SHROOM3: variants seen among roughly 807,000 people sequenced by gnomAD.
The protein encoded by SHROOM3 is shroom family member 3, also known as protein Shroom3.
Under a neutral mutation model 138.6 loss-of-function variants are expected in SHROOM3, and 47 were observed. That is an observed-to-expected ratio of 0.34 (90% CI 0.27 to 0.43). SHROOM3 has a LOEUF of 0.43. SHROOM3 is among the 20% of genes least tolerant of loss of function. The pLI is 1.00. For missense variants in SHROOM3, 2,491 were observed against 2,596.5 expected (o/e 0.96, Z 0.88); for synonymous variants, 1,062 against 1,063.3 (o/e 1.00, Z 0.02).
chr4:76,521,401 A>G (rs1029512020), intron 1 of SHROOM3, among the ~76,000 whole-genome samples: 6 of 152,220 alleles, frequency 3.9e-5, no homozygotes, highest in African/African-American at 1.4e-4. Flanking sequence ...AACTCTGGAA[A>G]CTGGTCTAAA....
chr4:76,760,348 G>C (rs1311500511), intron 9 of SHROOM3, among the ~76,000 whole-genome samples: 1 of 152,154 alleles, frequency 6.6e-6, no homozygotes, highest in Non-Finnish European at 1.5e-5. Flanking sequence ...TCTAAACTGG[G>C]CTGTGTCTGC....
intron 4 of SHROOM3, among the ~76,000 whole-genome samples, chr4:76,734,618 C>T (rs1720977641): frequency 6.6e-6 from 1 of 151,864 alleles, no homozygotes; most frequent in Admixed American, 6.6e-5. Flanking sequence ...TCAAGCGATC[C>T]TCCCGCCTCA....
At position 76,547,340 on chromosome 4, in the gene SHROOM3, C is replaced by T. The variant is rs554568074; in HGVS notation, c.169-8269C>T. Among the ~76,000 whole-genome samples the T allele has an allele frequency of 8.5e-5, 13 of 152,300 alleles. No homozygotes were observed. In the South Asian group the frequency reaches 2.7e-3, roughly 32 times the overall value. On this transcript the variant is annotated intron_variant, in intron 1 of 10. Transcript: ENST00000296043. ...TGTGCAACATGGAGCAAGTCATTGCCTTCTTCTGAGCCTTGGTATTCTCAT... is the reference window on the plus strand; with the variant it reads ...TGTGCAACATGGAGCAAGTCATTGCTTTCTTCTGAGCCTTGGTATTCTCAT...
intron 5 of SHROOM3, among the ~76,000 whole-genome samples, chr4:76,743,786 A>G (rs1388250686): frequency 6.6e-6 from 1 of 152,238 alleles, no homozygotes; most frequent in Non-Finnish European, 1.5e-5. Flanking sequence ...ATAAGCCTTC[A>G]GTAGCCTTTT....
chr4:76,628,627 G>GATT (rs1477694669), intron 2 of SHROOM3, among the ~76,000 whole-genome samples: 6 of 152,066 alleles, frequency 3.9e-5, no homozygotes, highest in African/African-American at 1.4e-4. Flanking sequence ...CCTTAGTTGA[G>GATT]ATTATATACA....
intron 2 of SHROOM3, among the ~76,000 whole-genome samples, chr4:76,622,984 T>C (rs568731670): frequency 6.6e-6 from 1 of 152,302 alleles, no homozygotes; most frequent in African/African-American, 2.4e-5. Flanking sequence ...TGGTGTTTGC[T>C]CTTAGGATGA....
chr4:76,689,738 G>A (rs1279709779), intron 2 of SHROOM3: 35 of 985,480 alleles, frequency 3.6e-5, no homozygotes, highest in Non-Finnish European at 4.1e-5. Context: ...GGAGAGGGAG[G>A]CGGGGGCCGG....
At chr4:76,610,547 G>A (rs535695498) in intron 2 of SHROOM3, among the ~76,000 whole-genome samples, 3 of 152,182 alleles carry the variant, frequency 2.0e-5, no homozygotes, top group East Asian at 3.9e-4. Context: ...CTCGTCTTCC[G>A]CTGTCCACTT....
chr4:76,668,806 A>G (rs7691621), intron 2 of SHROOM3, among the ~76,000 whole-genome samples: 48,532 of 152,018 alleles, frequency 0.32, 7,957 homozygotes, highest in East Asian at 0.43. Flanking sequence ...TGAGAAGGGA[A>G]GCTGCTTCGT....
chr4:76,630,105 A>C (rs182237938), intron 2 of SHROOM3, among the ~76,000 whole-genome samples: 3 of 152,294 alleles, frequency 2.0e-5, no homozygotes, highest in South Asian at 4.1e-4. Flanking sequence ...AACCAGCTAC[A>C]CTTGTTAGTT....
intron 2 of SHROOM3, among the ~76,000 whole-genome samples, chr4:76,580,446 C>CTTTT (rs869200924): frequency 3.7e-4 from 33 of 88,064 alleles, no homozygotes; most frequent in African/African-American, 6.9e-4. Context: ...TGGGCAAGTT[C>CTTTT]TTTTTTTTTT....
rs540562460 is a variant in SHROOM3 at position 76,533,684 on chromosome 4, T to C, written c.169-21925T>C. On this transcript the variant is annotated intron_variant, in intron 1 of 10. Coordinates refer to ENST00000296043, the MANE Select transcript of SHROOM3 (RefSeq NM_020859.4). The stretch of plus-strand genomic sequence containing the variant: ...AATGTTTCATATTTTAAAAACTAAG[T>C]AATAAGCATGTAAAACACTACCTTC... Among the ~76,000 whole-genome samples, 4 of 152,320 alleles carry C rather than the reference T, an allele frequency of 2.6e-5. No individual in the cohort carries two copies. The East Asian group carries it at 5.8e-4, about 22-fold the overall frequency.
chr4:76,489,702 C>A (rs1731808909), intron 1 of SHROOM3, among the ~76,000 whole-genome samples: 1 of 152,018 alleles, frequency 6.6e-6, no homozygotes, highest in Non-Finnish European at 1.5e-5. Context: ...ATGAGCACAG[C>A]CAAGAATGGT....
intron 2 of SHROOM3, among the ~76,000 whole-genome samples, chr4:76,638,464 G>T (rs906742138): frequency 6.6e-6 from 1 of 152,144 alleles, no homozygotes; most frequent in Non-Finnish European, 1.5e-5. Flanking sequence ...CAGGAGGATC[G>T]CTTGCGCCTA....
intron 3 of SHROOM3, among the ~76,000 whole-genome samples, chr4:76,717,443 C>T (rs1036376740): frequency 2.6e-5 from 4 of 152,106 alleles, no homozygotes; most frequent in Admixed American, 2.0e-4. Context: ...CTTCCTTTCC[C>T]TCTTTCTTTT....
intron 2 of SHROOM3, among the ~76,000 whole-genome samples, chr4:76,614,215 C>G (rs569418795): frequency 6.6e-6 from 1 of 152,142 alleles, no homozygotes; most frequent in South Asian, 2.1e-4. Flanking sequence ...CCACCATGCC[C>G]GGCTAATTTT....
intron 10 of SHROOM3, among the ~76,000 whole-genome samples, chr4:76,777,488 G>A (rs1191453344): frequency 6.6e-6 from 1 of 152,154 alleles, no homozygotes; most frequent in Admixed American, 6.5e-5. Flanking sequence ...AGATCTAGGA[G>A]CTTTTTGGAT....
intron 1 of SHROOM3, among the ~76,000 whole-genome samples, chr4:76,548,519 CT>C (rs1733275862): frequency 6.6e-6 from 1 of 152,218 alleles, no homozygotes; most frequent in Admixed American, 6.5e-5. Context: ...ATCCACCACT[CT>C]TCCTTTGTGC....
chr4:76,636,432 CCTTTTA>C (rs1360014852), intron 2 of SHROOM3, among the ~76,000 whole-genome samples: 9 of 152,146 alleles, frequency 5.9e-5, no homozygotes, highest in African/African-American at 1.7e-4. Context: ...TCAGAAGCAG[CCTTTTA>C]CTTCAGCCCT....
Sources: gnomAD v4.1 joint callset for allele counts (sites outside exome capture counted in the v4.1 genomes callset) on GRCh38, gnomAD v4.1.1 for gene constraint, MANE v1.5 for transcripts, NCBI Gene and HGNC (gene_info 2026-07-23, HGNC 2026-07-21) for gene names.